The following GPR179 variants were observed in gnomAD, a reference collection of about 807,000 sequenced individuals.
GPR179 encodes the protein G protein-coupled receptor 179.
In GPR179, 52 loss-of-function variants were observed where a neutral mutation model predicts 70.8. That is an observed-to-expected ratio of 0.73 (90% CI 0.59 to 0.93). The LOEUF is 0.93. GPR179 is among the 40% of genes least tolerant of loss of function. GPR179 has a pLI of 0.00. For missense variants in GPR179, 2,734 were observed against 2,966.8 expected, an observed-to-expected ratio of 0.92 and a Z score of 1.82; for synonymous variants, 1,123 against 1,169.0, an observed-to-expected ratio of 0.96 and a Z score of 0.80.
rs2037374851 is a variant in GPR179 at position 38,333,286 on chromosome 17, A to G, written c.2002T>C (p.Trp668Arg). ...CCAGGGTCCAGGCTGTGCTCACTCCAGGCTGAGGCGATGCTGCTGCCAAGG... is the reference window on the plus strand; with the variant it reads ...CCAGGGTCCAGGCTGTGCTCACTCCGGGCTGAGGCGATGCTGCTGCCAAGG... ...SYLGSSIASA[W>R]SEHSLDPGDI... The change falls in exon 10 of 11, where the codon TGG becomes CGG. Residue 668 changes from tryptophan (W) to arginine (R), a missense_variant. Transcript: ENST00000616987. 1.2e-6 allele frequency: 2 copies of G among 1,614,016 alleles called. No individual in the cohort carries two copies. Among genetic ancestry groups the G allele is most frequent in the Non-Finnish European group, 1.7e-6 (2 of 1,179,950 alleles).
rs1343702801 is a variant in GPR179 at position 38,343,655 on chromosome 17, T to A, written c.135A>T (p.Gly45=). ...CTAGGGGCACCTGCATGGGTACAGA[T>A]CCTGGCTTGACTTGGGAAGACAGAG... is the stretch of plus-strand genomic sequence containing the variant. ...LPPLSSQVKP[G]SVPMQVPLEG... The change falls in exon 1 of 11, where the codon GGA becomes GGT. Residue 45 remains glycine (G), a synonymous_variant. Coordinates refer to ENST00000616987, the MANE Select transcript of GPR179 (RefSeq NM_001004334.4). This position sits in a 1 kb window ranked among gnomAD's most constrained non-coding sequence, Gnocchi z 4.2. 6.2e-7 allele frequency: 1 copy of A among 1,612,670 alleles called. No individual in the cohort carries two copies. The highest frequency in any genetic ancestry group is 8.5e-7 in the Non-Finnish European group (1 of 1,179,222).
In GPR179 at chr17:38,324,838, A is replaced by G. The variant is rs926548652; in HGVS notation, c.*1627T>C. Reference sequence around the variant, plus strand: ...TGAGGACATCTGGTCCCCAAAGGAGAGTAGGTTACTCCATTCCTCTGTTCC... The same window carrying G: ...TGAGGACATCTGGTCCCCAAAGGAGGGTAGGTTACTCCATTCCTCTGTTCC... On this transcript the variant is annotated 3_prime_UTR_variant, in exon 11 of 11. Coordinates refer to ENST00000616987, the MANE Select transcript of GPR179 (RefSeq NM_001004334.4). Among the ~76,000 whole-genome samples the G allele has an allele frequency of 6.6e-6, 1 of 152,220 alleles. No individual in the cohort carries two copies. Among genetic ancestry groups the G allele is most frequent in the Non-Finnish European group, 1.5e-5 (1 of 68,036 alleles).
intron 10 of GPR179, among the ~76,000 whole-genome samples, chr17:38,332,458 A>T (rs1041426992): frequency 6.6e-6 from 1 of 152,134 alleles, no homozygotes; most frequent in African/African-American, 2.4e-5. Flanking sequence ...TCCAGTGTAG[A>T]CCCAGGAAGA....
In GPR179 at chr17:38,330,132, G is replaced by T. The variant is rs2037338455; in HGVS notation, c.3437C>A (p.Pro1146His). 1.9e-6 allele frequency: 3 copies of T among 1,603,214 alleles called. No individual in the cohort carries two copies. In the East Asian group the frequency reaches 6.7e-5, roughly 36 times the overall value. ...KAVSKQAALI[P>H]SDDKESLQNQ... The stretch of plus-strand genomic sequence containing the variant: ...CTGGAGGGACTCCTTGTCATCGGAG[G>T]GGATAAGAGCGGCCTGCTTACTCAC... Residue 1146 changes from proline to histidine, a missense_variant, in exon 11 of 11, where the codon CCC (proline) becomes CAC (histidine). By Grantham distance (77) the Pro-to-His change is moderately conservative. Coordinates refer to ENST00000616987, the MANE Select transcript of GPR179 (RefSeq NM_001004334.4).
chr17:38,331,565 G>A (rs763663498), intron 10 of GPR179, 34 bp from the exon 11 acceptor site: 3 of 1,567,812 alleles, frequency 1.9e-6, no homozygotes, highest in African/African-American at 1.4e-5. Flanking sequence ...CAGGGCTGCA[G>A]GTGAGCTCTC....
chr17:38,334,224 C>T lies in GPR179; in HGVS notation c.1785-186G>A, dbSNP rs140162937. Reference sequence around the variant, plus strand: ...ATCCTGTTAATCCCAACCTCCAAGACGCCCTCCCAGAATACTCCAGCTCAC... The same window carrying T: ...ATCCTGTTAATCCCAACCTCCAAGATGCCCTCCCAGAATACTCCAGCTCAC... On this transcript the variant is annotated intron_variant, in intron 8 of 10. Transcript: ENST00000616987. The surrounding 1 kb of genome is among the most constrained non-coding windows in gnomAD (Gnocchi z 4.7). 2.6e-5 allele frequency among the ~76,000 whole-genome samples: 4 copies of T among 152,322 alleles called. No individual in the cohort carries two copies. Among genetic ancestry groups the T allele is most frequent in the African/African-American group, 7.2e-5 (3 of 41,568 alleles).
At chr17:38,333,854 C>T (rs962313494) in intron 9 of GPR179, 79 bp downstream of exon 9, 23 of 1,087,712 alleles carry the variant, frequency 2.1e-5, no homozygotes, top group Middle Eastern at 2.7e-4. Context: ...CTGCAGAGGG[C>T]GCTGCGGGAC....
At chr17:38,339,223 G>A (rs2037429731) in intron 2 of GPR179, 194 bp downstream of exon 2, 2 of 531,736 alleles carry the variant, frequency 3.8e-6, no homozygotes, top group Non-Finnish European at 6.6e-6. Flanking sequence ...TAGGGGGTGG[G>A]GGGGCAGGCT....
chr17:38,341,754 T>A (rs1286722494), intron 1 of GPR179, among the ~76,000 whole-genome samples: 3 of 152,080 alleles, frequency 2.0e-5, no homozygotes, highest in Admixed American at 6.6e-5. Flanking sequence ...GCCTGCTTGG[T>A]TTAAGAAGAT....
intron 1 of GPR179, among the ~76,000 whole-genome samples, chr17:38,342,540 T>C (rs1241054696): frequency 6.6e-6 from 1 of 152,206 alleles, no homozygotes; most frequent in Non-Finnish European, 1.5e-5. Context: ...GGTTTCTCCA[T>C]GTTGGTCAGT....
Position 38,343,204 on chromosome 17 carries a change from C to A in GPR179, c.586G>T (p.Ala196Ser). The change falls in exon 1 of 11, where the codon GCC becomes TCC. Residue 196 changes from alanine to serine, a missense_variant. Physicochemically the swap from Ala to Ser is moderately conservative, Grantham distance 99. Coordinates refer to ENST00000616987, the MANE Select transcript of GPR179 (RefSeq NM_001004334.4). This position sits in a 1 kb window ranked among gnomAD's most constrained non-coding sequence, Gnocchi z 4.2. ...TTGGTCAACACTCGCTTCTTCAGGGCAGGGGTGTCCAGGTCCCCAGGAGGG... is the reference window on the plus strand; with the variant it reads ...TTGGTCAACACTCGCTTCTTCAGGGAAGGGGTGTCCAGGTCCCCAGGAGGG... ...ENPPGDLDTP[A>S]LKKRVLTNDL... 6.2e-7 allele frequency: 1 copy of A among 1,614,102 alleles called. No homozygotes were observed. The highest frequency in any genetic ancestry group is 8.5e-7 in the Non-Finnish European group (1 of 1,179,974).
At position 38,329,259 on chromosome 17, in the gene GPR179, C is replaced by T; in HGVS notation, c.4310G>A (p.Gly1437Asp). The change falls in exon 11 of 11, where the codon GGC becomes GAC. Residue 1437 changes from glycine (G) to aspartate (D), a missense_variant. Physicochemically the swap from Gly to Asp is moderately conservative, Grantham distance 94. Coordinates refer to ENST00000616987, the MANE Select transcript of GPR179 (RefSeq NM_001004334.4). The part of the protein sequence containing the change: ...LCPWESTDFR[G>D]PSAVSIQAPG... ...GGCCTGAATTGAGACTGCTGAGGGG[C>T]CCCGGAAATCTGTACTCTCCCATGG... 6.2e-7 allele frequency: 1 copy of T among 1,613,472 alleles called. No homozygotes were observed. The highest frequency in any genetic ancestry group is 8.5e-7 in the Non-Finnish European group (1 of 1,179,704).
Position 38,331,385 on chromosome 17 carries a change from C to T in GPR179, c.2184G>A (p.Glu728=), listed in dbSNP as rs2037358736. The part of the protein sequence containing the change: ...SFMRYLAEFP[E]ALARQHSRDS... ...CCCGGGAGTGCTGCCTGGCCAGGGC[C>T]TCGGGGAATTCCGCCAGGTACCTCA... The change falls in exon 11 of 11, where the codon GAG becomes GAA. Residue 728 remains glutamate (E), a synonymous_variant. Coordinates refer to ENST00000616987, the MANE Select transcript of GPR179 (RefSeq NM_001004334.4). 1 of 1,613,988 alleles carries T rather than the reference C, an allele frequency of 6.2e-7. No homozygotes were observed. Among genetic ancestry groups the T allele is most frequent in the Non-Finnish European group, 8.5e-7 (1 of 1,179,942 alleles).
In GPR179 at chr17:38,331,222, G is replaced by A. The variant is rs1284958465; in HGVS notation, c.2347C>T (p.Pro783Ser). 2 of 1,597,464 alleles carry A rather than the reference G, an allele frequency of 1.3e-6. No individual in the cohort carries two copies. Among genetic ancestry groups the A allele is most frequent in the South Asian group, 1.1e-5 (1 of 89,046 alleles). The stretch of plus-strand genomic sequence containing the variant: ...CTCAGCAGTGAGTCAAGAAGAGGCG[G>A]GTCCTGCTCCCTGCGCTGGTCATAG... ...STYDQRREQDPPLLDSLLRRK... is the reference protein window; with the variant it reads ...STYDQRREQDSPLLDSLLRRK... Residue 783 changes from proline (P) to serine (S), a missense_variant, in exon 11 of 11, where the codon CCG (proline) becomes TCG (serine). Pro to Ser is a moderately conservative substitution (Grantham distance 74, BLOSUM62 -1). Coordinates refer to ENST00000616987, the MANE Select transcript of GPR179 (RefSeq NM_001004334.4).
chr17:38,333,175 G>A, intron 10 of GPR179, 76 bp downstream of exon 10: 1 of 1,379,560 alleles, frequency 7.2e-7, no homozygotes, highest in Non-Finnish European at 1.0e-6. Context: ...CATAGCCCAG[G>A]TGGCAGGGCC....
chr17:38,327,281 T>C lies in GPR179; in HGVS notation c.6288A>G (p.Arg2096=). ...SPQPAPDASD[R]SRGSSEAAGS... is the part of the protein sequence containing the mutation. Reference sequence around the variant, plus strand: ...CTGCTGCCTCAGAACTGCCTCTGCTTCTGTCAGAAGCATCTGGGGCTGGCT... The same window carrying C: ...CTGCTGCCTCAGAACTGCCTCTGCTCCTGTCAGAAGCATCTGGGGCTGGCT... Residue 2096 remains arginine, a synonymous_variant, in exon 11 of 11, where the codon AGA becomes AGG. Coordinates refer to ENST00000616987, the MANE Select transcript of GPR179 (RefSeq NM_001004334.4). 1 of 1,614,236 alleles carries C rather than the reference T, an allele frequency of 6.2e-7. No individual in the cohort carries two copies. Among genetic ancestry groups the C allele is most frequent in the South Asian group, 1.1e-5 (1 of 91,080 alleles).
chr17:38,342,268 T>A (rs1302921064), intron 1 of GPR179, among the ~76,000 whole-genome samples: 1 of 151,158 alleles, frequency 6.6e-6, no homozygotes, highest in African/African-American at 2.4e-5. Flanking sequence ...CCAAGACCTC[T>A]CCTGCCTCTT....
rs748742920 is a variant in GPR179 at position 38,327,456 on chromosome 17, T to C, written c.6113A>G (p.Lys2038Arg). The change falls in exon 11 of 11, where the codon AAA becomes AGA. Residue 2038 changes from lysine to arginine, a missense_variant. Transcript: ENST00000616987. ...PVKGVSRQDG[K>R]GDSQEEKGRA... ...GCCTTTCTCTTCTTGAGAGTCCCCT[T>C]TTCCATCCTGCCTTGACACCCCTTT... is the stretch of plus-strand genomic sequence containing the variant. 1.9e-6 allele frequency: 3 copies of C among 1,614,122 alleles called. No individual in the cohort carries two copies. In the African/African-American group the frequency reaches 4.0e-5, roughly 22 times the overall value.
Position 38,327,810 on chromosome 17 carries a change from G to C in GPR179, c.5759C>G (p.Pro1920Arg). The C allele has an allele frequency of 1.2e-6, 2 of 1,614,134 alleles. No homozygotes were observed. Among genetic ancestry groups the C allele is most frequent in the South Asian group, 1.1e-5 (1 of 91,090 alleles). ...GTGTTCTGGGAAGGAACCTGTCTTT[G>C]GGTCTTGTCTCAGGTCCCCCTTCTC... Reference protein sequence around the residue: ...ATEKGDLRQDPKTGSFPEHIT... With the variant: ...ATEKGDLRQDRKTGSFPEHIT... The change falls in exon 11 of 11, where the codon CCA becomes CGA. Residue 1920 changes from proline to arginine, a missense_variant. Physicochemically the swap from Pro to Arg is moderately radical, Grantham distance 103. Transcript: ENST00000616987.
Sources: allele counts gnomAD v4.1 joint callset (sites outside exome capture counted in the v4.1 genomes callset), GRCh38; gene constraint gnomAD v4.1.1; non-coding constraint Gnocchi (gnomAD v3.1); transcripts MANE v1.5; gene names NCBI Gene and HGNC (gene_info 2026-07-23, HGNC 2026-07-21).